The following ADARB2 variants were observed in gnomAD, a reference collection of about 807,000 sequenced individuals.
The protein encoded by ADARB2 is adenosine deaminase RNA specific B2 (inactive), also known as inactive double-stranded RNA-specific editase B2.
Under a neutral mutation model 62.2 loss-of-function variants are expected in ADARB2, and 25 were observed. That is an observed-to-expected ratio of 0.40 (90% confidence interval 0.29 to 0.56). ADARB2 has a LOEUF of 0.56. ADARB2 is among the 20% of genes least tolerant of loss of function. ADARB2 has a pLI of 0.43. For missense variants in ADARB2, 1,071 were observed against 1,077.4 expected (o/e 0.99, Z 0.08); for synonymous variants, 572 against 500.8 (o/e 1.14, Z -1.90).
intron 3 of ADARB2, among the ~76,000 whole-genome samples, chr10:1,295,240 T>C (rs1468651379): frequency 6.6e-6 from 1 of 152,040 alleles, no homozygotes; most frequent in Non-Finnish European, 1.5e-5. Context: ...GAATGTGACA[T>C]GGGATGTGGG....
intron 1 of ADARB2, among the ~76,000 whole-genome samples, chr10:1,514,195 ATG>A (rs1491562497): frequency 2.2e-5 from 3 of 135,986 alleles, no homozygotes; most frequent in Non-Finnish European, 3.2e-5. Context: ...ATATATATAT[ATG>A]TATATTATAT....
chr10:1,247,725 A>C (rs1289626498), intron 4 of ADARB2, among the ~76,000 whole-genome samples: 1 of 152,164 alleles, frequency 6.6e-6, no homozygotes, highest in East Asian at 1.9e-4. Flanking sequence ...GCTTTTCTTA[A>C]CACCCCCATC....
At chr10:1,561,269 G>A (rs757327623) in intron 1 of ADARB2, among the ~76,000 whole-genome samples, 1 of 152,180 alleles carries the variant, frequency 6.6e-6, no homozygotes, top group African/African-American at 2.4e-5. Flanking sequence ...TAATTGGCAC[G>A]TGTGCCCTGG....
Position 1,209,338 on chromosome 10 carries a change from CACCCAT to C in ADARB2, c.1682+7607_1682+7612del, listed in dbSNP as rs1837111712. ...TCGCCCACACCCACGCCATCACCCA[CACCCAT>C]GCCCATGCCTACACCGTCACCCATG... On this transcript the variant is annotated intron_variant, in intron 7 of 9. Coordinates refer to ENST00000381312, the MANE Select transcript of ADARB2 (RefSeq NM_018702.4). Among the ~76,000 whole-genome samples the C allele has an allele frequency of 2.0e-5, 3 of 151,332 alleles. No homozygotes were observed. In the South Asian group the frequency reaches 6.3e-4, roughly 32 times the overall value.
intron 1 of ADARB2, among the ~76,000 whole-genome samples, chr10:1,425,624 G>T (rs1006739758): frequency 6.6e-6 from 1 of 152,220 alleles, no homozygotes; most frequent in South Asian, 2.1e-4. Flanking sequence ...TGTAGAAGAT[G>T]GTTGGATCTA....
At chr10:1,475,795 C>T (rs752356480) in intron 1 of ADARB2, among the ~76,000 whole-genome samples, 1 of 152,190 alleles carries the variant, frequency 6.6e-6, no homozygotes, top group African/African-American at 2.4e-5. Flanking sequence ...AAATCAATTA[C>T]CCTTTGCATG....
intron 3 of ADARB2, among the ~76,000 whole-genome samples, chr10:1,315,108 T>C (rs1346952707): frequency 1.3e-5 from 2 of 152,046 alleles, no homozygotes; most frequent in African/African-American, 4.8e-5. Context: ...CGAGTCTCTC[T>C]GGGAGTTTGG....
At chr10:1,276,286 T>C (rs1272236087) in intron 3 of ADARB2, among the ~76,000 whole-genome samples, 3 of 152,236 alleles carry the variant, frequency 2.0e-5, no homozygotes, top group African/African-American at 7.2e-5. Context: ...CATGTGTCTT[T>C]TGGCTGCATA....
Position 1,726,519 on chromosome 10 carries a change from C to T in ADARB2, c.100+10532G>A, listed in dbSNP as rs183319516. 7.9e-5 allele frequency among the ~76,000 whole-genome samples: 12 copies of T among 152,252 alleles called. No homozygotes were observed. The South Asian group carries it at 8.3e-4, about 11-fold the overall frequency. ...TGACTCTATGGATGACTCTGTAAAT[C>T]GTGTGAGACAGATGAGTGTGTATCC... On this transcript the variant is annotated intron_variant, in intron 1 of 9. Coordinates refer to ENST00000381312, the MANE Select transcript of ADARB2 (RefSeq NM_018702.4).
intron 1 of ADARB2, among the ~76,000 whole-genome samples, chr10:1,455,652 T>A (rs879779670): frequency 1.3e-5 from 2 of 152,236 alleles, no homozygotes; most frequent in African/African-American, 2.4e-5. Context: ...GTTACTTTTT[T>A]AAAAATTAAT....
chr10:1,240,678 C>G (rs1342560694), intron 5 of ADARB2: 1 of 152,310 alleles, frequency 6.6e-6, no homozygotes. Flanking sequence ...TGCTGGTTCC[C>G]CATGCAGGGC....
intron 3 of ADARB2, among the ~76,000 whole-genome samples, chr10:1,289,818 C>T (rs1444864804): frequency 3.9e-5 from 6 of 152,236 alleles, no homozygotes; most frequent in South Asian, 2.1e-4. Flanking sequence ...CAGGAGCAGG[C>T]GTGTTCCACA....
intron 1 of ADARB2, among the ~76,000 whole-genome samples, chr10:1,441,082 T>C (rs561771189): frequency 6.6e-6 from 1 of 152,370 alleles, no homozygotes; most frequent in Admixed American, 6.5e-5. Flanking sequence ...AGTAGGACTG[T>C]CAGGTAGACC....
chr10:1,530,052 C>T (rs944195280), intron 1 of ADARB2, among the ~76,000 whole-genome samples: 3 of 150,194 alleles, frequency 2.0e-5, no homozygotes, highest in Non-Finnish European at 3.0e-5. Context: ...CCACCATGGG[C>T]GCCTATCCAC....
intron 1 of ADARB2, among the ~76,000 whole-genome samples, chr10:1,664,764 G>A (rs1244909323): frequency 3.3e-5 from 5 of 152,144 alleles, no homozygotes; most frequent in East Asian, 3.9e-4. Context: ...ACTCCCATGC[G>A]GCTGACTCTG....
In ADARB2 at chr10:1,647,047, C is replaced by T. The variant is rs567802640; in HGVS notation, c.100+90004G>A. ...ACTGTGTGCCGTGTTGCCACCAACA[C>T]TCGCACGAGTTCCGTCCTCACTGCC... On this transcript the variant is annotated intron_variant, in intron 1 of 9. Coordinates refer to ENST00000381312, the MANE Select transcript of ADARB2 (RefSeq NM_018702.4). Among the ~76,000 whole-genome samples the T allele has an allele frequency of 1.8e-3, 275 of 152,368 alleles. 2 individuals are homozygous for T. Among genetic ancestry groups the T allele is most frequent in the Admixed American group, 3.6e-3 (55 of 15,308 alleles).
intron 1 of ADARB2, among the ~76,000 whole-genome samples, chr10:1,501,036 A>C (rs905386417): frequency 2.6e-5 from 4 of 152,034 alleles, no homozygotes; most frequent in African/African-American, 9.7e-5. Flanking sequence ...CACCACGCCC[A>C]GCTAATTTTT....
intron 1 of ADARB2, among the ~76,000 whole-genome samples, chr10:1,653,577 A>AGAGCCGCAGTATCCACCCCACGCCTCG (rs1564359194): frequency 3.5e-5 from 5 of 144,876 alleles, no homozygotes; most frequent in Middle Eastern, 3.5e-3. Context: ...CCCACGCCTC[A>AGAGCCGCAGTATCCACCCCACGCCTCG]TGTGCCTGCA....
At chr10:1,698,910 A>C (rs1463807181) in intron 1 of ADARB2, among the ~76,000 whole-genome samples, 1 of 152,108 alleles carries the variant, frequency 6.6e-6, no homozygotes, top group African/African-American at 2.4e-5. Context: ...ACAGGCACCC[A>C]CCACCAGGCT....
Sources: allele counts gnomAD v4.1 joint callset (sites outside exome capture counted in the v4.1 genomes callset), GRCh38; gene constraint gnomAD v4.1.1; transcripts MANE v1.5; gene names NCBI Gene and HGNC (gene_info 2026-07-23, HGNC 2026-07-21).